EYS: variants seen among roughly 807,000 people sequenced by gnomAD.
EYS encodes the protein protein eyes shut homolog.
Under a neutral mutation model 282.1 loss-of-function variants are expected in EYS, and 250 were observed. The observed-to-expected ratio is 0.89, with a 90% CI of 0.80 to 0.98. The LOEUF is 0.98. Among genes scored for constraint, EYS ranks in the 50% least tolerant of loss-of-function variants. The pLI is 0.00. For synonymous variants in EYS, 1,355 were observed against 1,282.9 expected (o/e 1.06, Z -1.20); for missense variants, 4,016 against 3,709.0 (o/e 1.08, Z -2.15).
chr6:65,518,433 T>C lies in EYS; in HGVS notation c.-332-22440A>G, dbSNP rs765770434. On this transcript the variant is annotated intron_variant, in intron 2 of 42. Transcript: ENST00000503581. ...TGGCAAACACAAGGTAAATGTTCAA[T>C]AATATATTAAAGCGTCAAAGGTTTC... Among the ~76,000 whole-genome samples, 133 of 152,128 alleles carry C rather than the reference T, an allele frequency of 8.7e-4. 3 individuals carry two copies. Among genetic ancestry groups the C allele is most frequent in the Non-Finnish European group, 1.3e-3 (90 of 68,010 alleles).
intron 2 of EYS, among the ~76,000 whole-genome samples, chr6:65,592,033 GA>G (rs1054159568): frequency 5.9e-5 from 9 of 151,906 alleles, no homozygotes; most frequent in Non-Finnish European, 7.4e-5. Flanking sequence ...CAACTATTTT[GA>G]AAATGGTATT....
intron 28 of EYS, among the ~76,000 whole-genome samples, chr6:64,420,141 T>C (rs1774184163): frequency 1.3e-5 from 2 of 152,168 alleles, no homozygotes; most frequent in Non-Finnish European, 2.9e-5. Context: ...TCGACTTCTG[T>C]GTATCCACAG....
chr6:64,452,608 A>G (rs1475282442), intron 26 of EYS, among the ~76,000 whole-genome samples: 3 of 152,168 alleles, frequency 2.0e-5, no homozygotes, highest in Non-Finnish European at 2.9e-5. Context: ...ACTTCAAACT[A>G]TACTACAAGG....
intron 40 of EYS, among the ~76,000 whole-genome samples, chr6:63,768,829 C>A (rs1378415407): frequency 6.6e-6 from 1 of 152,056 alleles, no homozygotes; most frequent in Non-Finnish European, 1.5e-5. Flanking sequence ...CCTAGATGCC[C>A]ATCAACAGGG....
intron 19 of EYS, among the ~76,000 whole-genome samples, chr6:64,877,036 T>A (rs1465224468): frequency 6.6e-6 from 1 of 152,126 alleles, no homozygotes; most frequent in Non-Finnish European, 1.5e-5. Context: ...CAAATTAAGA[T>A]GTCATATTTC....
chr6:64,016,248 CA>C (rs887703502), intron 33 of EYS, among the ~76,000 whole-genome samples: 3 of 152,088 alleles, frequency 2.0e-5, no homozygotes, highest in African/African-American at 7.2e-5. Context: ...ATTTAATAAA[CA>C]TTTATATAGC....
intron 36 of EYS, among the ~76,000 whole-genome samples, chr6:63,840,235 A>ATTATTCTTG (rs112733240): frequency 6.9e-6 from 1 of 145,968 alleles, no homozygotes; most frequent in South Asian, 2.2e-4. Flanking sequence ...TATTATTATT[A>ATTATTCTTG]TTGTATTTTT....
chr6:64,169,864 G>A (rs921220407), intron 31 of EYS, among the ~76,000 whole-genome samples: 4 of 152,150 alleles, frequency 2.6e-5, no homozygotes, highest in African/African-American at 9.7e-5. Flanking sequence ...GTAAGCCTTA[G>A]ACCACTGGAG....
chr6:65,592,958 C>T (rs1765283977), intron 2 of EYS, among the ~76,000 whole-genome samples: 1 of 151,984 alleles, frequency 6.6e-6, no homozygotes, highest in Admixed American at 6.6e-5. Context: ...TGAGAACCAT[C>T]TTTAATTCTG....
chr6:65,599,131 G>A (rs1013622358), intron 2 of EYS, among the ~76,000 whole-genome samples: 9 of 151,934 alleles, frequency 5.9e-5, no homozygotes, highest in Non-Finnish European at 1.0e-4. Flanking sequence ...CCATATATGC[G>A]GATTTAGCTT....
At chr6:64,707,393 G>GGA (rs1362729967) in intron 22 of EYS, among the ~76,000 whole-genome samples, 1 of 152,114 alleles carries the variant, frequency 6.6e-6, no homozygotes, top group Non-Finnish European at 1.5e-5. Context: ...TTGGGGGCCA[G>GGA]GCATGGTGGC....
chr6:64,206,981 C>G (rs1022143341), intron 31 of EYS, among the ~76,000 whole-genome samples: 1 of 152,070 alleles, frequency 6.6e-6, no homozygotes. Context: ...TCCCACCTTC[C>G]ACCCCGTAAT....
chr6:65,670,305 T>C (rs1768352739), intron 1 of EYS, among the ~76,000 whole-genome samples: 1 of 152,104 alleles, frequency 6.6e-6, no homozygotes, highest in Non-Finnish European at 1.5e-5. Context: ...ATATCTCCTT[T>C]TGCATGGATG....
chr6:64,782,107 G>A (rs1326836301), intron 22 of EYS, among the ~76,000 whole-genome samples: 1 of 152,132 alleles, frequency 6.6e-6, no homozygotes, highest in Non-Finnish European at 1.5e-5. Flanking sequence ...ATGTCTCTTG[G>A]AAACACTAAG....
chr6:65,582,876 G>A (rs542545834), intron 2 of EYS, among the ~76,000 whole-genome samples: 1 of 152,070 alleles, frequency 6.6e-6, no homozygotes, highest in Non-Finnish European at 1.5e-5. Flanking sequence ...TTTGAAAGAT[G>A]TAACCACATT....
rs374892463 is a variant in EYS at position 64,995,168 on chromosome 6, A to C, written c.2259+2414T>G. 1.1e-4 allele frequency among the ~76,000 whole-genome samples: 17 copies of C among 152,254 alleles called. No individual in the cohort carries two copies. In the East Asian group the frequency reaches 2.9e-3, roughly 26 times the overall value. ...AGTTATGCAGGTGCTTCATGTCATC[A>C]TGACTGACCTACAGTGAAAACCATA... On this transcript the variant is annotated intron_variant, in intron 14 of 42. Transcript: ENST00000503581.
At chr6:65,008,071 A>G (rs892114964) in intron 13 of EYS, among the ~76,000 whole-genome samples, 1 of 152,198 alleles carries the variant, frequency 6.6e-6, no homozygotes, top group Non-Finnish European at 1.5e-5. Flanking sequence ...AGTTCCCAGT[A>G]TAGGCCCTCA....
Position 63,974,111 on chromosome 6 carries a change from A to C in EYS, c.7055+10272T>G, listed in dbSNP as rs1211840097. Among the ~76,000 whole-genome samples, 7 of 152,108 alleles carry C rather than the reference A, an allele frequency of 4.6e-5. No individual in the cohort carries two copies. The South Asian group carries it at 8.3e-4, about 18-fold the overall frequency. ...CTGAATATCTCACATTTTGTTCCAC[A>C]TTTAACTTTGCTCTGTTTTCATTTT... On this transcript the variant is annotated intron_variant, in intron 35 of 42. Transcript: ENST00000503581.
intron 12 of EYS, among the ~76,000 whole-genome samples, chr6:65,186,769 A>G (rs1380729387): frequency 1.3e-5 from 2 of 151,762 alleles, no homozygotes; most frequent in African/African-American, 4.8e-5. Flanking sequence ...AAAAGTCACC[A>G]TAGCATCACA....
Sources: allele counts gnomAD v4.1 joint callset (sites outside exome capture counted in the v4.1 genomes callset), GRCh38; gene constraint gnomAD v4.1.1; transcripts MANE v1.5; gene names NCBI Gene and HGNC (gene_info 2026-07-23, HGNC 2026-07-21).